THSD4: variants seen among roughly 807,000 people sequenced by gnomAD.
THSD4 encodes the protein thrombospondin type 1 domain containing 4, also known as thrombospondin type-1 domain-containing protein 4.
In THSD4, 69 loss-of-function variants were observed where a neutral mutation model predicts 119.0. That is an observed-to-expected ratio of 0.58 (90% confidence interval 0.48 to 0.71). THSD4 has a LOEUF of 0.71. THSD4 is among the 30% of genes least tolerant of loss of function. The pLI is 0.00. For missense variants in THSD4, 1,393 were observed against 1,391.1 expected, an observed-to-expected ratio of 1.00 and a Z score of -0.02; for synonymous variants, 524 against 540.4, an observed-to-expected ratio of 0.97 and a Z score of 0.42.
chr15:71,771,040 T>C, intron 16 of THSD4, 24 bp from the exon 17 acceptor site: 3 of 1,609,802 alleles, frequency 1.9e-6, no homozygotes, highest in Non-Finnish European at 2.5e-6. Flanking sequence ...AAAAATCTGA[T>C]GTTTTCCCTT....
intron 1 of THSD4, among the ~76,000 whole-genome samples, chr15:71,116,436 G>C (rs922181956): frequency 2.0e-5 from 3 of 152,168 alleles, no homozygotes; most frequent in African/African-American, 7.2e-5. Context: ...GGATTTTAGG[G>C]CGTTCTCGGG....
intron 6 of THSD4, among the ~76,000 whole-genome samples, chr15:71,344,099 C>T (rs1331323008): frequency 2.8e-5 from 4 of 144,470 alleles, no homozygotes; most frequent in South Asian, 2.2e-4. Context: ...AGTGCAGTGG[C>T]GCGATCTCTG....
intron 7 of THSD4, among the ~76,000 whole-genome samples, chr15:71,658,912 G>T (rs1160163570): frequency 6.6e-6 from 1 of 152,192 alleles, no homozygotes; most frequent in African/African-American, 2.4e-5. Context: ...CAAGGGCAGT[G>T]CCTGCAGAAA....
chr15:71,508,042 T>C (rs1287684170), intron 7 of THSD4, among the ~76,000 whole-genome samples: 1 of 152,174 alleles, frequency 6.6e-6, no homozygotes, highest in Non-Finnish European at 1.5e-5. Context: ...AAAAGAAGTA[T>C]GTGATTGAGA....
rs748438115 is a variant in THSD4, at chr15:71,388,661, A to AGTGTGTGTGTGTGTGTGTGT, written c.1016-23025_1016-23024insTGTGTGTGTGTGTGTGTGTG. Among the ~76,000 whole-genome samples the AGTGTGTGTGTGTGTGTGTGT allele has an allele frequency of 8.4e-4, 120 of 142,084 alleles. 1 individual carries two copies. Among genetic ancestry groups the AGTGTGTGTGTGTGTGTGTGT allele is most frequent in the African/African-American group, 3.0e-3 (118 of 39,904 alleles). 93.2% of individuals were successfully genotyped at this position (142,084 alleles called of 152,430 possible). On this transcript the variant is annotated intron_variant, in intron 6 of 17. Coordinates refer to ENST00000261862, the MANE Select transcript of THSD4 (RefSeq NM_024817.3). Reference sequence around the variant, plus strand: ...CGAGTATTGATTTGATTCTTTGGAGAGAGTGTGTGTGTGTGTGTGTGTGTG... The same window carrying AGTGTGTGTGTGTGTGTGTGT: ...CGAGTATTGATTTGATTCTTTGGAGAGTGTGTGTGTGTGTGTGTGTGAGTGTGTGTGTGTGTGTGTGTGTG...
At chr15:71,248,414 T>C (rs1432538454) in intron 5 of THSD4, among the ~76,000 whole-genome samples, 1 of 152,174 alleles carries the variant, frequency 6.6e-6, no homozygotes, top group Non-Finnish European at 1.5e-5. Context: ...ACTTTCTCCC[T>C]GGAGAGGAGA....
intron 8 of THSD4, among the ~76,000 whole-genome samples, chr15:71,727,498 C>A (rs1426149048): frequency 3.5e-5 from 5 of 143,692 alleles, no homozygotes; most frequent in African/African-American, 1.1e-4. Context: ...GAGTTTGAGA[C>A]CAGCCTGGGC....
chr15:71,232,778 A>T (rs1460130902), intron 4 of THSD4, among the ~76,000 whole-genome samples: 2 of 152,146 alleles, frequency 1.3e-5, no homozygotes, highest in African/African-American at 4.8e-5. Flanking sequence ...ATGCCCTAAA[A>T]CTGTCTTGGT....
chr15:71,514,127 TG>T (rs2048321154), intron 7 of THSD4, among the ~76,000 whole-genome samples: 1 of 152,204 alleles, frequency 6.6e-6, no homozygotes. Context: ...AGGGCCCCAC[TG>T]GCTACATCAC....
At chr15:71,132,795 C>T (rs970392727) in intron 1 of THSD4, among the ~76,000 whole-genome samples, 1 of 152,184 alleles carries the variant, frequency 6.6e-6, no homozygotes, top group African/African-American at 2.4e-5. Flanking sequence ...CCCCAACACA[C>T]GTATGTGTGT....
chr15:71,608,237 A>AAAAAT (rs537013275), intron 7 of THSD4, among the ~76,000 whole-genome samples: 91 of 111,582 alleles, frequency 8.2e-4, no homozygotes, highest in South Asian at 6.3e-3. Context: ...AAAAAAAAAA[A>AAAAAT]ATATATATAT....
intron 1 of THSD4, among the ~76,000 whole-genome samples, chr15:71,121,217 C>G (rs1242444928): frequency 6.6e-6 from 1 of 152,162 alleles, no homozygotes; most frequent in Non-Finnish European, 1.5e-5. Context: ...CACTCTGGAG[C>G]CAGGTCCTGA....
intron 6 of THSD4, among the ~76,000 whole-genome samples, chr15:71,408,528 C>T (rs977239884): frequency 1.2e-4 from 19 of 152,080 alleles, no homozygotes; most frequent in Non-Finnish European, 1.0e-4. Flanking sequence ...CCACTGTGCC[C>T]GGCCCAAATG....
At chr15:71,727,579 TATATATATAC>T (rs1400705688) in intron 8 of THSD4, among the ~76,000 whole-genome samples, 1 of 12,888 alleles carries the variant, frequency 7.8e-5, no homozygotes, top group African/African-American at 1.5e-4. Context: ...TATATATATA[TATATATATAC>T]ACACACACAC....
rs1314550429 is a variant in THSD4, at chr15:71,384,234, T to C, written c.1016-27453T>C. On this transcript the variant is annotated intron_variant, in intron 6 of 17. Transcript: ENST00000261862. ...CTCTACTAAAAATACAAAAATTAGC[T>C]GGGCGTGGTGGCGGGTGCCTGTAGT... Among the ~76,000 whole-genome samples the C allele has an allele frequency of 2.0e-5, 3 of 152,036 alleles. No homozygotes were observed. The South Asian group carries it at 6.2e-4, about 32-fold the overall frequency.
chr15:71,461,779 T>C (rs1595790723), intron 7 of THSD4, among the ~76,000 whole-genome samples: 1 of 150,564 alleles, frequency 6.6e-6, no homozygotes. Context: ...TGAAGACATA[T>C]GGGCACTGTC....
intron 7 of THSD4, among the ~76,000 whole-genome samples, chr15:71,631,899 C>G (rs2050636717): frequency 6.6e-6 from 1 of 152,194 alleles, no homozygotes; most frequent in Non-Finnish European, 1.5e-5. Flanking sequence ...GCTACAAAAC[C>G]TCCTGTAGCA....
intron 7 of THSD4, among the ~76,000 whole-genome samples, chr15:71,528,583 T>A (rs2048561995): frequency 6.6e-6 from 1 of 152,240 alleles, no homozygotes; most frequent in African/African-American, 2.4e-5. Context: ...ATAAGATGTC[T>A]GTCAGGCATC....
At chr15:71,298,121 A>G (rs1363927873) in intron 6 of THSD4, among the ~76,000 whole-genome samples, 1 of 152,132 alleles carries the variant, frequency 6.6e-6, no homozygotes, top group East Asian at 1.9e-4. Context: ...TAATTTTTGT[A>G]TATGGTGTAA....
Sources: allele counts gnomAD v4.1 joint callset (sites outside exome capture counted in the v4.1 genomes callset), GRCh38; gene constraint gnomAD v4.1.1; transcripts MANE v1.5; gene names NCBI Gene and HGNC (gene_info 2026-07-23, HGNC 2026-07-21).